The following RBFOX1 variants were observed in gnomAD, a reference collection of about 807,000 sequenced individuals.
RBFOX1 encodes the protein RNA binding fox-1 homolog 1.
Under a neutral mutation model 57.7 loss-of-function variants are expected in RBFOX1, and 8 were observed. The observed-to-expected ratio is 0.14, with a 90% CI of 0.08 to 0.25. The LOEUF (loss-of-function observed/expected upper bound fraction) is 0.25. Ranked by LOEUF, RBFOX1 falls within the 10% of genes least tolerant of loss-of-function variation. The pLI is 1.00. For missense variants in RBFOX1, 611 were observed against 548.5 expected (o/e 1.11, Z -1.14); for synonymous variants, 326 against 222.4 (o/e 1.47, Z -4.15).
At chr16:5,868,064 G>A (rs1299433643) in intron 4 of RBFOX1, among the ~76,000 whole-genome samples, 1 of 152,164 alleles carries the variant, frequency 6.6e-6, no homozygotes, top group Non-Finnish European at 1.5e-5. Context: ...TGTGGTGGAT[G>A]CTGACAACAT....
At chr16:6,688,575 G>A (rs544644109) in intron 3 of RBFOX1, among the ~76,000 whole-genome samples, 52 of 152,318 alleles carry the variant, frequency 3.4e-4, no homozygotes, top group African/African-American at 1.2e-3. Context: ...TCAAACTGAA[G>A]ACTACCAGAG....
intron 3 of RBFOX1, among the ~76,000 whole-genome samples, chr16:5,810,843 A>G (rs1205878179): frequency 6.6e-6 from 1 of 152,148 alleles, no homozygotes; most frequent in Non-Finnish European, 1.5e-5. Context: ...TCAACTGGGA[A>G]TGTTCTCTTG....
intron 3 of RBFOX1, among the ~76,000 whole-genome samples, chr16:6,755,882 A>G (rs965494593): frequency 6.6e-6 from 1 of 152,144 alleles, no homozygotes; most frequent in Non-Finnish European, 1.5e-5. Flanking sequence ...TTGAGAATGT[A>G]TTGCTGAAAA....
chr16:7,581,887 A>T lies in RBFOX1; in HGVS notation c.414+1967A>T, dbSNP rs1034973. Among the ~76,000 whole-genome samples the T allele has an allele frequency of 2.7e-3, 414 of 151,646 alleles. 4 individuals are homozygous for T. Among genetic ancestry groups the T allele is most frequent in the Middle Eastern group, 0.024 (7 of 294 alleles). On this transcript the variant is annotated intron_variant, in intron 6 of 15. Coordinates refer to ENST00000550418, the MANE Select transcript of RBFOX1 (RefSeq NM_018723.4). ...CACCATGCTTGGCTAATTTTTAAGT[A>T]TTTTTTTTTAATAGAGATGGGGTCT...
At chr16:6,677,645 A>T (rs1190072554) in intron 3 of RBFOX1, among the ~76,000 whole-genome samples, 7 of 152,208 alleles carry the variant, frequency 4.6e-5, no homozygotes, top group Non-Finnish European at 5.9e-5. Flanking sequence ...ATTTTTGATT[A>T]GGGAACAAGT....
chr16:6,134,983 T>C (rs2096656254), intron 1 of RBFOX1, among the ~76,000 whole-genome samples: 1 of 152,200 alleles, frequency 6.6e-6, no homozygotes, highest in South Asian at 2.1e-4. Flanking sequence ...CTCCAACTGC[T>C]GTCCGTCCCC....
intron 3 of RBFOX1, among the ~76,000 whole-genome samples, chr16:7,037,736 C>A (rs964656201): frequency 6.6e-6 from 1 of 152,148 alleles, no homozygotes; most frequent in Non-Finnish European, 1.5e-5. Flanking sequence ...TGTTCAAGGT[C>A]TGTAAGCTAA....
At chr16:5,662,637 T>C (rs2049694087) in intron 3 of RBFOX1, among the ~76,000 whole-genome samples, 1 of 152,232 alleles carries the variant, frequency 6.6e-6, no homozygotes. Context: ...TCTTTAAAAA[T>C]GTGTTAGTGA....
chr16:6,578,675 C>CAG (rs909686061), intron 2 of RBFOX1, among the ~76,000 whole-genome samples: 8 of 143,892 alleles, frequency 5.6e-5, no homozygotes, highest in African/African-American at 2.0e-4. Context: ...GAGAGAACCC[C>CAG]AGAGAGAGAG....
intron 9 of RBFOX1, among the ~76,000 whole-genome samples, chr16:7,599,194 G>T (rs2094875495): frequency 6.6e-6 from 1 of 152,140 alleles, no homozygotes; most frequent in South Asian, 2.1e-4. Context: ...TTTCCAGTTG[G>T]GTAAAAGTAA....
intron 3 of RBFOX1, among the ~76,000 whole-genome samples, chr16:7,000,735 G>A (rs527971585): frequency 6.6e-6 from 1 of 151,236 alleles, no homozygotes; most frequent in Non-Finnish European, 1.5e-5. Context: ...CTCCCAAGTA[G>A]CTGGGACTAC....
intron 3 of RBFOX1, among the ~76,000 whole-genome samples, chr16:5,726,124 C>T (rs1355181956): frequency 6.6e-6 from 1 of 151,278 alleles, no homozygotes; most frequent in Non-Finnish European, 1.5e-5. Flanking sequence ...GAATGGGTTT[C>T]TCTGATTTAA....
chr16:6,470,865 C>G (rs902075686), intron 2 of RBFOX1, among the ~76,000 whole-genome samples: 1 of 152,096 alleles, frequency 6.6e-6, no homozygotes, highest in Non-Finnish European at 1.5e-5. Flanking sequence ...TTCTATTTAT[C>G]AAATATTTAC....
intron 2 of RBFOX1, among the ~76,000 whole-genome samples, chr16:6,468,676 A>G (rs997461132): frequency 6.6e-6 from 1 of 152,152 alleles, no homozygotes; most frequent in African/African-American, 2.4e-5. Flanking sequence ...GAGTTAGAAC[A>G]TTGAAATGTT....
At chr16:6,965,399 G>C (rs957846906) in intron 3 of RBFOX1, among the ~76,000 whole-genome samples, 1 of 151,778 alleles carries the variant, frequency 6.6e-6, no homozygotes, top group African/African-American at 2.4e-5. Context: ...CTGTAGTGCA[G>C]TGGCGTGATC....
At chr16:5,621,360 G>C (rs541162232) in intron 3 of RBFOX1, among the ~76,000 whole-genome samples, 12 of 152,268 alleles carry the variant, frequency 7.9e-5, no homozygotes, top group African/African-American at 2.9e-4. Context: ...GTTGCTGGGG[G>C]TCATGATTTC....
At chr16:7,310,793 T>C (rs1439174138) in intron 4 of RBFOX1, among the ~76,000 whole-genome samples, 3 of 152,194 alleles carry the variant, frequency 2.0e-5, no homozygotes, top group Non-Finnish European at 2.9e-5. Flanking sequence ...CATCCACCCA[T>C]TCCATGTTGA....
intron 1 of RBFOX1, among the ~76,000 whole-genome samples, chr16:5,263,323 C>T (rs1175666868): frequency 6.6e-6 from 1 of 152,008 alleles, no homozygotes; most frequent in African/African-American, 2.4e-5. Context: ...GCAAAATCTG[C>T]AATTACTTTT....
chr16:6,857,641 A>T (rs1275735222), intron 3 of RBFOX1, among the ~76,000 whole-genome samples: 4 of 152,172 alleles, frequency 2.6e-5, no homozygotes, highest in Non-Finnish European at 5.9e-5. Flanking sequence ...ACTGTGTAAG[A>T]TGCCCCTAAG....
Sources: allele counts gnomAD v4.1 joint callset (sites outside exome capture counted in the v4.1 genomes callset), GRCh38; gene constraint gnomAD v4.1.1; transcripts MANE v1.5; gene names NCBI Gene and HGNC (gene_info 2026-07-23, HGNC 2026-07-21).